Variants in PCDHA3 observed in about 807,000 individuals in gnomAD.
PCDHA3 encodes protocadherin alpha 3.
PCDHA3 carries 41 observed loss-of-function variants against 62.2 expected under a neutral mutation model. The ratio of observed to expected loss-of-function variants is 0.66; its 90% confidence interval spans 0.51 to 0.86. The LOEUF (loss-of-function observed/expected upper bound fraction) is 0.86. Ranked by LOEUF, PCDHA3 falls within the 40% of genes least tolerant of loss-of-function variation. PCDHA3 has a pLI of 0.00. For missense variants in PCDHA3, 1,304 were observed against 1,241.2 expected (o/e 1.05, Z -0.76); for synonymous variants, 640 against 555.4 (o/e 1.15, Z -2.14).
chr5:140,887,349 G>A (rs1311370450), intron 1 of PCDHA3, among the ~76,000 whole-genome samples: 2 of 152,084 alleles, frequency 1.3e-5, no homozygotes, highest in Non-Finnish European at 2.9e-5. Flanking sequence ...ACCTGGCTCG[G>A]CCTCCCAAAG....
At chr5:140,829,901 A>G (rs2150177337) in intron 1 of PCDHA3, 11 of 1,613,874 alleles carry the variant, frequency 6.8e-6, no homozygotes, top group Non-Finnish European at 8.5e-6. Flanking sequence ...CTCAGGCTAC[A>G]ACGCGTGGCT....
intron 1 of PCDHA3, among the ~76,000 whole-genome samples, chr5:140,820,731 T>C (rs1766818492): frequency 6.6e-6 from 1 of 152,054 alleles, no homozygotes; most frequent in Admixed American, 6.5e-5. Flanking sequence ...AACCTAAACA[T>C]TTTGTGAAAT....
At chr5:140,848,246 A>G (rs1781398365) in intron 1 of PCDHA3, 1 of 453,054 alleles carries the variant, frequency 2.2e-6, no homozygotes, top group African/African-American at 2.0e-5. Context: ...GTTTTGCAGA[A>G]TAACTGTGAA....
In PCDHA3 at chr5:140,808,934, T is replaced by G. The variant is rs1554124895; in HGVS notation, c.2394+5343T>G. The G allele has an allele frequency of 1.9e-5, 31 of 1,613,672 alleles. No homozygotes were observed. The African/African-American group carries it at 2.5e-4, about 13-fold the overall frequency. On this transcript the variant is annotated intron_variant, in intron 1 of 3. Coordinates refer to ENST00000522353, the MANE Select transcript of PCDHA3 (RefSeq NM_018906.3). Reference sequence around the variant, plus strand: ...TGGCGCAGTGAGCGAGCTGGTGCCATGGTCGGTGGGTGTGGGCCACGTGGT... The same window carrying G: ...TGGCGCAGTGAGCGAGCTGGTGCCAGGGTCGGTGGGTGTGGGCCACGTGGT...
chr5:140,801,555 G>C lies in PCDHA3; in HGVS notation c.358G>C (p.Glu120Gln). The change falls in exon 1 of 4, where the codon GAG (glutamate) becomes CAG (glutamine). Residue 120 changes from glutamate (E) to glutamine (Q), a missense_variant. Coordinates refer to ENST00000522353, the MANE Select transcript of PCDHA3 (RefSeq NM_018906.3). ...CAGGCCGCTGCAGGTTTTCCATGTGGAGGTGGAAGTGAAGGACATTAATGA... is the reference window on the plus strand; with the variant it reads ...CAGGCCGCTGCAGGTTTTCCATGTGCAGGTGGAAGTGAAGGACATTAATGA... ...VDRPLQVFHV[E>Q]VEVKDINDNA... 2 of 1,614,270 alleles carry C rather than the reference G, an allele frequency of 1.2e-6. No homozygotes were observed. The highest frequency in any genetic ancestry group is 1.7e-6 in the Non-Finnish European group (2 of 1,180,052).
At chr5:140,928,143 C>T (rs983552748) in intron 1 of PCDHA3, 2 of 1,614,228 alleles carry the variant, frequency 1.2e-6, no homozygotes, top group Middle Eastern at 1.6e-4. Context: ...TGATCACGGC[C>T]TCAGATAGTG....
At chr5:140,858,403 A>T (rs1554151554) in intron 1 of PCDHA3, 1 of 1,569,204 alleles carries the variant, frequency 6.4e-7, no homozygotes. Context: ...TGGACGGGGA[A>T]GATCAGTCTA....
chr5:140,836,457 G>A (rs2150261358), intron 1 of PCDHA3: 82,082 of 1,613,792 alleles, frequency 0.051, 3,121 homozygotes, highest in Middle Eastern at 0.086. Context: ...CCCAGAGACC[G>A]AGCTGGTGGA....
intron 1 of PCDHA3, chr5:140,926,750 G>C (rs2083528007): frequency 8.0e-7 from 1 of 1,256,516 alleles, no homozygotes; most frequent in Non-Finnish European, 1.0e-6. Flanking sequence ...AACGTCGGCG[G>C]TCGCTGAGTA....
intron 1 of PCDHA3, among the ~76,000 whole-genome samples, chr5:140,945,397 A>G (rs2093784345): frequency 6.6e-6 from 1 of 152,132 alleles, no homozygotes; most frequent in Admixed American, 6.5e-5. Context: ...TACAAATTCA[A>G]TACAATTCGT....
chr5:140,920,955 C>A (rs2079947807), intron 1 of PCDHA3, among the ~76,000 whole-genome samples: 1 of 151,668 alleles, frequency 6.6e-6, no homozygotes, highest in Admixed American at 6.6e-5. Context: ...AAACACTACA[C>A]ATGTAGTACT....
intron 1 of PCDHA3, chr5:140,876,311 G>A: frequency 1.2e-6 from 2 of 1,613,954 alleles, no homozygotes; most frequent in East Asian, 2.2e-5. Flanking sequence ...ATTTCCTATG[G>A]GATCAAAATG....
intron 1 of PCDHA3, among the ~76,000 whole-genome samples, chr5:140,960,254 C>T (rs2095534958): frequency 6.6e-6 from 1 of 152,138 alleles, no homozygotes; most frequent in South Asian, 2.1e-4. Flanking sequence ...CTTCCTGGAG[C>T]TTCTGATAAA....
chr5:140,920,630 G>A (rs937787340), intron 1 of PCDHA3, among the ~76,000 whole-genome samples: 1 of 152,060 alleles, frequency 6.6e-6, no homozygotes, highest in Non-Finnish European at 1.5e-5. Flanking sequence ...TGGATCACAA[G>A]GTCAAGAGAT....
chr5:140,932,952 T>G (rs2088746376), intron 1 of PCDHA3, among the ~76,000 whole-genome samples: 1 of 152,008 alleles, frequency 6.6e-6, no homozygotes, highest in Non-Finnish European at 1.5e-5. Flanking sequence ...GAAGGTGGAC[T>G]AAATTGCTGA....
At position 141,010,124 on chromosome 5, in the gene PCDHA3, G is replaced by C. The variant is rs1161168842; in HGVS notation, c.*187G>C. 1.2e-6 allele frequency: 2 copies of C among 1,605,172 alleles called. No homozygotes were observed. The highest frequency in any genetic ancestry group is 1.1e-5 in the South Asian group (1 of 90,170). On this transcript the variant is annotated 3_prime_UTR_variant, in exon 4 of 4. Coordinates refer to ENST00000522353, the MANE Select transcript of PCDHA3 (RefSeq NM_018906.3). ...GGTTTTGTCGTAAAAGCTTTACTAA[G>C]TCTGGTGTTAACTCTTTCTCTCCAC...
chr5:140,869,182 G>A (rs2050897144), intron 1 of PCDHA3: 2 of 1,613,976 alleles, frequency 1.2e-6, no homozygotes, highest in East Asian at 2.2e-5. Flanking sequence ...CTGGGAGGTG[G>A]GGAGCGGCCA....
intron 1 of PCDHA3, among the ~76,000 whole-genome samples, chr5:140,886,851 AG>A (rs2061199020): frequency 6.6e-6 from 1 of 151,608 alleles, no homozygotes; most frequent in South Asian, 2.1e-4. Context: ...AAAAAAAGAA[AG>A]GTCTTCCCAA....
intron 1 of PCDHA3, among the ~76,000 whole-genome samples, chr5:140,938,945 T>A (rs1390189208): frequency 6.6e-6 from 1 of 152,154 alleles, no homozygotes; most frequent in African/African-American, 2.4e-5. Context: ...TCCATTCTTA[T>A]AATGCTCTAG....
Sources: gnomAD v4.1 joint callset for allele counts (sites outside exome capture counted in the v4.1 genomes callset) on GRCh38, gnomAD v4.1.1 for gene constraint, MANE v1.5 for transcripts, NCBI Gene and HGNC (gene_info 2026-07-23, HGNC 2026-07-21) for gene names.